Variants in BAZ1A observed in about 807,000 individuals in gnomAD.
BAZ1A encodes the protein bromodomain adjacent to zinc finger domain 1A.
BAZ1A carries 50 observed loss-of-function variants against 185.2 expected under a neutral mutation model. That is an observed-to-expected ratio of 0.27 (90% CI 0.22 to 0.34). The LOEUF (loss-of-function observed/expected upper bound fraction) is 0.34. Ranked by LOEUF, BAZ1A falls within the 10% of genes least tolerant of loss-of-function variation. The pLI is 1.00. For missense variants in BAZ1A, 1,356 were observed against 1,839.9 expected (o/e 0.74, Z 4.81); for synonymous variants, 571 against 615.6 (o/e 0.93, Z 1.07).
At chr14:34,835,491 C>T (rs1442601815) in intron 3 of BAZ1A, among the ~76,000 whole-genome samples, 1 of 151,808 alleles carries the variant, frequency 6.6e-6, no homozygotes, top group Non-Finnish European at 1.5e-5. Context: ...GGAATGGAAA[C>T]ATTATGTTGA....
At chr14:34,840,443 A>G (rs925710487) in intron 3 of BAZ1A, among the ~76,000 whole-genome samples, 4 of 152,286 alleles carry the variant, frequency 2.6e-5, no homozygotes, top group East Asian at 1.9e-4. Flanking sequence ...CAATGAAATT[A>G]TTATATGCAC....
chr14:34,872,477 C>T (rs987066816), intron 2 of BAZ1A, among the ~76,000 whole-genome samples: 3 of 133,012 alleles, frequency 2.3e-5, no homozygotes, highest in Non-Finnish European at 3.3e-5. Context: ...CCTGCAATCC[C>T]ACACTCAGGA....
At chr14:34,798,785 T>G (rs1438545113) in intron 9 of BAZ1A, among the ~76,000 whole-genome samples, 1 of 152,190 alleles carries the variant, frequency 6.6e-6, no homozygotes, top group African/African-American at 2.4e-5. Flanking sequence ...CACCGTTGGC[T>G]GGAGTGTAAA....
intron 2 of BAZ1A, among the ~76,000 whole-genome samples, chr14:34,869,074 G>T (rs2042911097): frequency 6.6e-6 from 1 of 150,688 alleles, no homozygotes; most frequent in Non-Finnish European, 1.5e-5. Flanking sequence ...AGGCTTGGTG[G>T]CATATGCCTG....
chr14:34,792,660 C>T (rs1880929952), intron 12 of BAZ1A, 115 bp downstream of exon 12: 4 of 1,249,034 alleles, frequency 3.2e-6, no homozygotes, highest in South Asian at 1.4e-5. Context: ...ATCAGGTAAC[C>T]TGAACAACTA....
intron 3 of BAZ1A, among the ~76,000 whole-genome samples, chr14:34,857,208 G>T (rs1200411): frequency 4.0e-5 from 6 of 151,694 alleles, no homozygotes; most frequent in African/African-American, 7.3e-5. Context: ...GGGTTTCACC[G>T]TGTTAGCCAG....
intron 15 of BAZ1A, 136 bp from the exon 16 acceptor site, chr14:34,783,368 CTTTT>C (rs201307518): frequency 7.2e-4 from 265 of 368,924 alleles, no homozygotes; most frequent in East Asian, 1.4e-3. Context: ...CATTCATAAG[CTTTT>C]TTTTTTTTTT....
intron 4 of BAZ1A, among the ~76,000 whole-genome samples, chr14:34,811,855 T>C (rs2041934349): frequency 6.6e-6 from 1 of 152,332 alleles, no homozygotes; most frequent in South Asian, 2.1e-4. Flanking sequence ...TTAAACTTTA[T>C]TTACAGCTAT....
chr14:34,831,113 A>G (rs1172840607), intron 3 of BAZ1A, among the ~76,000 whole-genome samples: 3 of 152,204 alleles, frequency 2.0e-5, no homozygotes, highest in Non-Finnish European at 4.4e-5. Flanking sequence ...TGACTATATC[A>G]TTCATTTGGT....
At chr14:34,806,675 T>A (rs1020750834) in intron 6 of BAZ1A, among the ~76,000 whole-genome samples, 1 of 152,174 alleles carries the variant, frequency 6.6e-6, no homozygotes, top group African/African-American at 2.4e-5. Context: ...GACTTTTTCC[T>A]CTCTTAATGG....
chr14:34,818,092 A>G (rs1297247719), intron 4 of BAZ1A, among the ~76,000 whole-genome samples: 1 of 152,242 alleles, frequency 6.6e-6, no homozygotes, highest in Non-Finnish European at 1.5e-5. Context: ...CAATCCAAAT[A>G]CCTATCAATA....
intron 7 of BAZ1A, 106 bp from the exon 8 acceptor site, chr14:34,801,299 T>C: frequency 8.5e-6 from 7 of 819,952 alleles, no homozygotes; most frequent in Non-Finnish European, 1.3e-5. Context: ...AAATGATTTT[T>C]TTATTTTTTT....
Position 34,863,792 on chromosome 14 carries a change from G to A in BAZ1A, c.114-1470C>T, listed in dbSNP as rs575618815. 3.9e-5 allele frequency among the ~76,000 whole-genome samples: 6 copies of A among 152,204 alleles called. No homozygotes were observed. In the South Asian group the frequency reaches 1.2e-3, roughly 32 times the overall value. ...CCTATGGAGAAAGGAGGGGAGACTG[G>A]GAAGGAAGGAAAAGGAAAACTTTTT... is the stretch of plus-strand genomic sequence containing the variant. On this transcript the variant is annotated intron_variant, in intron 2 of 26. Coordinates refer to ENST00000360310, the MANE Select transcript of BAZ1A (RefSeq NM_013448.3).
At position 34,875,148 on chromosome 14, in the gene BAZ1A, G is replaced by T; in HGVS notation, c.-69C>A. 1 of 405,472 alleles carries T rather than the reference G, an allele frequency of 2.5e-6. No homozygotes were observed. Among genetic ancestry groups the T allele is most frequent in the Non-Finnish European group, 5.0e-6 (1 of 199,762 alleles). 25.1% of individuals were successfully genotyped at this position (405,472 alleles called of 1,614,324 possible). On this transcript the variant is annotated 5_prime_UTR_variant, in exon 1 of 27. Transcript: ENST00000360310. ...CCGAGCGACCCTCACCTGCGATCAC[G>T]CCGACTGCCACTTGTCCACCTTCTC...
intron 5 of BAZ1A, among the ~76,000 whole-genome samples, chr14:34,810,109 C>T (rs1056442212): frequency 2.0e-5 from 3 of 151,986 alleles, no homozygotes; most frequent in Admixed American, 6.6e-5. Flanking sequence ...TTATCACTTT[C>T]GTTTGGATAC....
At chr14:34,799,902 A>C (rs1006697915) in intron 9 of BAZ1A, among the ~76,000 whole-genome samples, 2 of 151,978 alleles carry the variant, frequency 1.3e-5, no homozygotes, top group African/African-American at 2.4e-5. Flanking sequence ...GAGCCACTGC[A>C]CCCGGCCTAT....
chr14:34,846,073 G>A (rs2042508237), intron 3 of BAZ1A, among the ~76,000 whole-genome samples: 1 of 152,112 alleles, frequency 6.6e-6, no homozygotes, highest in African/African-American at 2.4e-5. Flanking sequence ...CCTCTTTCAT[G>A]TGATGAGCCT....
chr14:34,863,203 C>T (rs1458712326), intron 2 of BAZ1A, among the ~76,000 whole-genome samples: 1 of 116,912 alleles, frequency 8.6e-6, no homozygotes, highest in African/African-American at 3.3e-5. Context: ...TCACTCTTGT[C>T]GCCCAGACTG....
intron 3 of BAZ1A, among the ~76,000 whole-genome samples, chr14:34,841,334 C>T (rs1158214166): frequency 6.6e-6 from 1 of 152,140 alleles, no homozygotes; most frequent in African/African-American, 2.4e-5. Context: ...CACTACAATG[C>T]CCTTTATTCA....
Sources: allele counts gnomAD v4.1 joint callset (sites outside exome capture counted in the v4.1 genomes callset), GRCh38; gene constraint gnomAD v4.1.1; transcripts MANE v1.5; gene names NCBI Gene and HGNC (gene_info 2026-07-23, HGNC 2026-07-21).